Variants in ETV5 observed in about 807,000 individuals in gnomAD.
The protein encoded by ETV5 is ETS variant transcription factor 5, also known as ETS translocation variant 5.
A neutral mutation model predicts 70.0 loss-of-function variants in ETV5; 10 were observed. That is an observed-to-expected ratio of 0.14 (90% confidence interval 0.09 to 0.24). ETV5 has a LOEUF of 0.24. Ranked by LOEUF, ETV5 falls within the 10% of genes least tolerant of loss-of-function variation. The pLI is 1.00. For missense variants in ETV5, 453 were observed against 651.2 expected, an observed-to-expected ratio of 0.70 and a Z score of 3.31; for synonymous variants, 216 against 242.2, an observed-to-expected ratio of 0.89 and a Z score of 1.01.
chr3:186,056,151 G>A (rs527840576), intron 11 of ETV5, among the ~76,000 whole-genome samples: 1 of 152,256 alleles, frequency 6.6e-6, no homozygotes, highest in East Asian at 1.9e-4. Context: ...CTGAAGAAAC[G>A]GCACTGGTTC....
chr3:186,086,560 A>G (rs1339382793), intron 5 of ETV5, among the ~76,000 whole-genome samples: 1 of 152,224 alleles, frequency 6.6e-6, no homozygotes, highest in Admixed American at 6.5e-5. Context: ...ATGTAAAAAA[A>G]CTTTTAGTAT....
intron 12 of ETV5, 75 bp from the exon 13 acceptor site, chr3:186,048,935 C>G: frequency 7.9e-7 from 1 of 1,269,762 alleles, no homozygotes; most frequent in Non-Finnish European, 1.1e-6. Flanking sequence ...CGAGGTATTC[C>G]TAAGTCACAA....
chr3:186,066,699 A>C (rs1451767994), intron 7 of ETV5, among the ~76,000 whole-genome samples: 1 of 152,240 alleles, frequency 6.6e-6, no homozygotes, highest in Non-Finnish European at 1.5e-5. Context: ...AAATTAATCT[A>C]TAAAAGCAAA....
intron 5 of ETV5, among the ~76,000 whole-genome samples, chr3:186,103,620 A>AACACACACACACACACACCCACACAC (rs1714517010): frequency 7.0e-6 from 1 of 142,902 alleles, no homozygotes; most frequent in African/African-American, 2.6e-5. Flanking sequence ...TCATCTTGCA[A>AACACACACACACACACACCCACACAC]ACACACACAC....
At chr3:186,069,686 G>A (rs1182741439) in intron 7 of ETV5, among the ~76,000 whole-genome samples, 1 of 152,004 alleles carries the variant, frequency 6.6e-6, no homozygotes, top group African/African-American at 2.4e-5. Flanking sequence ...TAGTAGAAAC[G>A]GGGTTTCACC....
intron 12 of ETV5, among the ~76,000 whole-genome samples, 183 bp from the exon 13 acceptor site, chr3:186,049,043 A>G (rs950807978): frequency 3.9e-5 from 6 of 152,208 alleles, no homozygotes; most frequent in African/African-American, 1.4e-4. Context: ...TACTGACACT[A>G]CAGCAGTTAA....
chr3:186,050,190 T>G (rs1712991715), intron 12 of ETV5, among the ~76,000 whole-genome samples: 1 of 152,208 alleles, frequency 6.6e-6, no homozygotes, highest in African/African-American at 2.4e-5. Context: ...AAATAGAGGC[T>G]TTGGGAGATT....
intron 7 of ETV5, among the ~76,000 whole-genome samples, chr3:186,069,470 G>A (rs995611230): frequency 6.6e-6 from 1 of 151,318 alleles, no homozygotes; most frequent in Non-Finnish European, 1.5e-5. Flanking sequence ...CAAACCTAAA[G>A]GGAATTCTTT....
chr3:186,105,613 A>G lies in ETV5; in HGVS notation c.133+12T>C. 2 of 1,614,148 alleles carry G rather than the reference A, an allele frequency of 1.2e-6. No individual in the cohort carries two copies. Among genetic ancestry groups the G allele is most frequent in the Non-Finnish European group, 1.7e-6 (2 of 1,179,974 alleles). On this transcript the variant is annotated intron_variant, in intron 3 of 12. Coordinates refer to ENST00000306376, the MANE Select transcript of ETV5 (RefSeq NM_004454.3). The surrounding 1 kb of genome is among the most constrained non-coding windows in gnomAD (Gnocchi z 4.5). The stretch of plus-strand genomic sequence containing the variant: ...AGGGAAGCCACAACATAATCAGGGA[A>G]AGCTTTACTACCTTCAGAATCGTGA...
At chr3:186,049,637 T>G (rs1400511490) in intron 12 of ETV5, among the ~76,000 whole-genome samples, 2 of 152,226 alleles carry the variant, frequency 1.3e-5, no homozygotes, top group Non-Finnish European at 2.9e-5. Flanking sequence ...CCAAATTTAC[T>G]GATAAGATAA....
chr3:186,051,746 T>G (rs940368327), intron 12 of ETV5, among the ~76,000 whole-genome samples: 2 of 152,220 alleles, frequency 1.3e-5, no homozygotes, highest in Non-Finnish European at 2.9e-5. Context: ...TTTCTGGAAA[T>G]TTCTATATAT....
At chr3:186,071,861 G>C (rs777747834) in intron 7 of ETV5, among the ~76,000 whole-genome samples, 1 of 151,554 alleles carries the variant, frequency 6.6e-6, no homozygotes, top group Non-Finnish European at 1.5e-5. Flanking sequence ...TCAGTGGCGC[G>C]ATCTCGGCTC....
rs564301958 is a variant in ETV5 at position 186,051,384 on chromosome 3, T to G, written c.1311+646A>C. 7.2e-5 allele frequency among the ~76,000 whole-genome samples: 11 copies of G among 152,360 alleles called. 1 individual carries two copies. The South Asian group carries it at 2.3e-3, about 32-fold the overall frequency. On this transcript the variant is annotated intron_variant, in intron 12 of 12. Coordinates refer to ENST00000306376, the MANE Select transcript of ETV5 (RefSeq NM_004454.3). Reference sequence around the variant, plus strand: ...TAAGAAAGACTTGCCATTCCCATCTTCTACTTATCCATGGGATGTTAAGAC... The same window carrying G: ...TAAGAAAGACTTGCCATTCCCATCTGCTACTTATCCATGGGATGTTAAGAC...
intron 5 of ETV5, among the ~76,000 whole-genome samples, chr3:186,099,883 C>T (rs888653986): frequency 6.6e-6 from 1 of 152,200 alleles, no homozygotes; most frequent in African/African-American, 2.4e-5. Context: ...ATACAAAGGA[C>T]TGGTAAGCCT....
intron 6 of ETV5, 110 bp from the exon 7 acceptor site, chr3:186,080,214 G>A (rs1713899421): frequency 3.5e-6 from 3 of 854,290 alleles, no homozygotes; most frequent in Non-Finnish European, 5.0e-6. Context: ...GGAAATAACA[G>A]CATTAACATA....
intron 11 of ETV5, 131 bp downstream of exon 11, chr3:186,056,944 C>G (rs1483452832): frequency 9.6e-7 from 1 of 1,037,624 alleles, no homozygotes; most frequent in African/African-American, 1.6e-5. Context: ...GCCAAGCCCA[C>G]TGGCCAGGCC....
chr3:186,063,100 C>A (rs1713347032), intron 9 of ETV5, among the ~76,000 whole-genome samples: 1 of 152,066 alleles, frequency 6.6e-6, no homozygotes, highest in Admixed American at 6.6e-5. Context: ...TGAAACCCGT[C>A]TCTACTAAAA....
chr3:186,058,835 G>A lies in ETV5; in HGVS notation c.971-1344C>T, dbSNP rs190562900. ...TCGAGACCAGCCTGGCCAACATGGT[G>A]AAACCATCTCTACTAAAAATACAAA... On this transcript the variant is annotated intron_variant, in intron 9 of 12. Transcript: ENST00000306376. 1.6e-3 allele frequency among the ~76,000 whole-genome samples: 239 copies of A among 152,086 alleles called. 1 individual carries two copies. The highest frequency in any genetic ancestry group is 2.8e-3 in the Non-Finnish European group (190 of 67,974).
chr3:186,106,000 A>G lies in ETV5; in HGVS notation c.-74-58T>C. 3 of 1,276,824 alleles carry G rather than the reference A, an allele frequency of 2.3e-6. No individual in the cohort carries two copies. The Admixed American group carries it at 6.3e-5, about 27-fold the overall frequency. The allele number at this position is 1,276,824 out of a possible 1,614,324, so 79.1% of individuals were successfully genotyped here. On this transcript the variant is annotated intron_variant, in intron 1 of 12. Coordinates refer to ENST00000306376, the MANE Select transcript of ETV5 (RefSeq NM_004454.3). The surrounding 1 kb of genome is among the most constrained non-coding windows in gnomAD (Gnocchi z 4.5). ...AGGGGGGAAAAAAAGAAATGAAACAATTTTAGACTGCCTTTTTTTTAGGGC... is the reference window on the plus strand; with the variant it reads ...AGGGGGGAAAAAAAGAAATGAAACAGTTTTAGACTGCCTTTTTTTTAGGGC...
Sources: allele counts gnomAD v4.1 joint callset (sites outside exome capture counted in the v4.1 genomes callset), GRCh38; gene constraint gnomAD v4.1.1; non-coding constraint Gnocchi (gnomAD v3.1); transcripts MANE v1.5; gene names NCBI Gene and HGNC (gene_info 2026-07-23, HGNC 2026-07-21).